The following TFDP1 variants were observed in gnomAD, a reference collection of about 807,000 sequenced individuals.
The protein encoded by TFDP1 is DRTF1-polypeptide 1.
In TFDP1, 6 loss-of-function variants were observed where a neutral mutation model predicts 48.0. That is an observed-to-expected ratio of 0.13 (90% CI 0.07 to 0.25). The LOEUF is 0.25. Among genes scored for constraint, TFDP1 ranks in the 10% least tolerant of loss-of-function variants. The pLI is 1.00. For synonymous variants in TFDP1, 201 were observed against 211.6 expected, an observed-to-expected ratio of 0.95 and a Z score of 0.44; for missense variants, 335 against 543.0, an observed-to-expected ratio of 0.62 and a Z score of 3.81.
At chr13:113,635,141 T>G (rs545456125) in intron 8 of TFDP1, among the ~76,000 whole-genome samples, 116 of 152,190 alleles carry the variant, frequency 7.6e-4, no homozygotes, top group Non-Finnish European at 1.4e-3. Flanking sequence ...GGAGCTGGCC[T>G]TCCCCACCTC....
rs373188324 is a variant in TFDP1 at position 113,594,073 on chromosome 13, C to G, written c.12+8224C>G. Among the ~76,000 whole-genome samples, 31 of 137,628 alleles carry G rather than the reference C, an allele frequency of 2.3e-4. No individual in the cohort carries two copies. The East Asian group carries it at 7.1e-3, about 32-fold the overall frequency. The allele number at this position is 137,628 out of a possible 152,430, so 90.3% of individuals were successfully genotyped here. Reference sequence around the variant, plus strand: ...GTGACAGGTGTGGTGTACACGGGTCCTCAGCCGTGCCCAGGTGACAGGTGT... The same window carrying G: ...GTGACAGGTGTGGTGTACACGGGTCGTCAGCCGTGCCCAGGTGACAGGTGT... On this transcript the variant is annotated intron_variant, in intron 2 of 11. Transcript: ENST00000375370.
At chr13:113,591,341 CAAAAAA>C (rs745915921) in intron 2 of TFDP1, among the ~76,000 whole-genome samples, 1 of 66,096 alleles carries the variant, frequency 1.5e-5, no homozygotes. Context: ...GACTTCATCT[CAAAAAA>C]AAAAAAAAAG....
At chr13:113,586,532 G>A (rs1469851627) in intron 2 of TFDP1, among the ~76,000 whole-genome samples, 1 of 152,196 alleles carries the variant, frequency 6.6e-6, no homozygotes, top group African/African-American at 2.4e-5. Context: ...AACACCAGCT[G>A]GATTCTTTAG....
At chr13:113,625,937 T>TCAGGCGTCTCTCACGTGTC (rs2049160183) in intron 4 of TFDP1, among the ~76,000 whole-genome samples, 1 of 121,958 alleles carries the variant, frequency 8.2e-6, no homozygotes, top group Non-Finnish European at 1.7e-5. Flanking sequence ...CTCAGGTGTT[T>TCAGGCGTCTCTCACGTGTC]CTCAGGCGTC....
At chr13:113,592,641 G>C (rs963106635) in intron 2 of TFDP1, among the ~76,000 whole-genome samples, 1 of 152,240 alleles carries the variant, frequency 6.6e-6, no homozygotes, top group South Asian at 2.1e-4. Context: ...AGTGTGATCC[G>C]CTCCAGTGAA....
At chr13:113,638,274 C>T (rs1194936061) in intron 11 of TFDP1, among the ~76,000 whole-genome samples, 4 of 151,896 alleles carry the variant, frequency 2.6e-5, no homozygotes, top group Admixed American at 6.5e-5. Flanking sequence ...TTTCAGAACG[C>T]GTCTGCGGTC....
intron 5 of TFDP1, chr13:113,632,023 C>T (rs947051846): frequency 1.2e-5 from 5 of 420,446 alleles, no homozygotes; most frequent in African/African-American, 4.0e-5. Context: ...TTGGCCAAGA[C>T]GGGGAGAAGC....
At chr13:113,595,516 G>GTAAC (rs1566637492) in intron 2 of TFDP1, among the ~76,000 whole-genome samples, 1 of 152,132 alleles carries the variant, frequency 6.6e-6, no homozygotes, top group East Asian at 1.9e-4. Flanking sequence ...GAAAGGCGGT[G>GTAAC]GAGTTAGGAG....
At chr13:113,596,707 C>T (rs886588196) in intron 2 of TFDP1, among the ~76,000 whole-genome samples, 1 of 152,158 alleles carries the variant, frequency 6.6e-6, no homozygotes, top group African/African-American at 2.4e-5. Flanking sequence ...AAAAGCAGTT[C>T]CCATTGGAGT....
rs752405735 is a variant in TFDP1 at position 113,631,649 on chromosome 13, A to G, written c.213A>G (p.Ala71=). The G allele has an allele frequency of 1.9e-6, 3 of 1,614,086 alleles. No homozygotes were observed. The highest frequency in any genetic ancestry group is 2.5e-6 in the Non-Finnish European group (3 of 1,179,988). The change falls in exon 5 of 12, where the codon GCA becomes GCG. Residue 71 remains alanine (A), a synonymous_variant. Transcript: ENST00000375370. ...QVVIGTPQRP[A]ASNTLVVGSP... is the part of the protein sequence containing the mutation. ...TAATTGGTACGCCTCAGAGACCGGC[A>G]GCGTCAAACACCCTGGTGGTAGGAA...
intron 8 of TFDP1, 79 bp from the exon 9 acceptor site, chr13:113,635,898 G>A (rs2049473348): frequency 6.0e-5 from 90 of 1,500,728 alleles, no homozygotes; most frequent in Non-Finnish European, 7.9e-5. Context: ...GACGCAGGGA[G>A]GGCTGTGAGG....
At chr13:113,586,152 T>C in intron 2 of TFDP1, 1 of 267,584 alleles carries the variant, frequency 3.7e-6, no homozygotes, top group Admixed American at 5.2e-5. Flanking sequence ...AATAAACGCC[T>C]TAATTAAATT....
chr13:113,586,059 A>G (rs918243760), intron 2 of TFDP1: 2 of 481,286 alleles, frequency 4.2e-6, no homozygotes, highest in Non-Finnish European at 7.4e-6. Context: ...GGCCTTGGAT[A>G]CCACACTGCA....
At position 113,627,636 on chromosome 13, in the gene TFDP1, C is replaced by T. The variant is rs2049217882; in HGVS notation, c.187-3987C>T. Among the ~76,000 whole-genome samples the T allele has an allele frequency of 1.3e-5, 2 of 152,138 alleles. No individual in the cohort carries two copies. Among genetic ancestry groups the T allele is most frequent in the Admixed American group, 1.3e-4 (2 of 15,274 alleles). On this transcript the variant is annotated intron_variant, in intron 4 of 11. Transcript: ENST00000375370. The surrounding 1 kb of genome is among the most constrained non-coding windows in gnomAD (Gnocchi z 4.1). The stretch of plus-strand genomic sequence containing the variant: ...AAGGGATGCCTTAAATCAGGAGTCC[C>T]CAACCCCTGGGCCTGTTAGGAAGCT...
intron 3 of TFDP1, among the ~76,000 whole-genome samples, chr13:113,622,198 G>A (rs1446779264): frequency 2.0e-5 from 3 of 152,166 alleles, no homozygotes; most frequent in Admixed American, 2.0e-4. Context: ...CTGGCATTCG[G>A]GGCCACTACC....
intron 3 of TFDP1, among the ~76,000 whole-genome samples, chr13:113,620,199 G>A (rs1170176777): frequency 1.3e-5 from 2 of 152,194 alleles, no homozygotes; most frequent in East Asian, 3.9e-4. Flanking sequence ...TGCCCCGAGG[G>A]TCTCAGCTAC....
chr13:113,593,579 C>T (rs2140292605), intron 2 of TFDP1, among the ~76,000 whole-genome samples: 1 of 134,968 alleles, frequency 7.4e-6, no homozygotes, highest in African/African-American at 2.9e-5. Context: ...GCCCAGGTGA[C>T]AGGTGTGCTG....
intron 2 of TFDP1, among the ~76,000 whole-genome samples, chr13:113,595,991 A>G (rs1422952865): frequency 2.0e-5 from 3 of 152,206 alleles, no homozygotes; most frequent in Admixed American, 1.3e-4. Context: ...CTGAGGCAGG[A>G]GAATGGTGTG....
chr13:113,624,349 G>C (rs1457196886), intron 4 of TFDP1, among the ~76,000 whole-genome samples: 2 of 150,812 alleles, frequency 1.3e-5, no homozygotes, highest in Non-Finnish European at 3.0e-5. Context: ...GGTGTCCTCA[G>C]GTGTCTCCCA....
Sources: gnomAD v4.1 joint callset for allele counts (sites outside exome capture counted in the v4.1 genomes callset) on GRCh38, gnomAD v4.1.1 for gene constraint, Gnocchi (gnomAD v3.1) non-coding constraint, MANE v1.5 for transcripts, NCBI Gene and HGNC (gene_info 2026-07-23, HGNC 2026-07-21) for gene names.